MAP3K19: variants seen among roughly 807,000 people sequenced by gnomAD.
The protein encoded by MAP3K19 is mitogen-activated protein kinase kinase kinase 19.
In MAP3K19, 91 loss-of-function variants were observed where a neutral mutation model predicts 114.4. That is an observed-to-expected ratio of 0.80 (90% CI 0.67 to 0.95). MAP3K19 has a LOEUF of 0.95. Among genes scored for constraint, MAP3K19 ranks in the 40% least tolerant of loss-of-function variants. MAP3K19 has a pLI of 0.00. For synonymous variants in MAP3K19, 518 were observed against 530.5 expected (o/e 0.98, Z 0.32); for missense variants, 1,471 against 1,573.2 (o/e 0.94, Z 1.10).
chr2:135,011,215 A>G (rs1687199550), intron 5 of MAP3K19, among the ~76,000 whole-genome samples: 1 of 152,184 alleles, frequency 6.6e-6, no homozygotes, highest in African/African-American at 2.4e-5. Context: ...TTCGGCTACA[A>G]TAAGAAAAAA....
chr2:134,972,740 C>G (rs972830176), intron 12 of MAP3K19, among the ~76,000 whole-genome samples: 10 of 152,136 alleles, frequency 6.6e-5, no homozygotes, highest in African/African-American at 2.4e-4. Context: ...CCCAGCCAAT[C>G]TTCATACATT....
At chr2:134,982,369 G>A (rs530000087) in intron 11 of MAP3K19, among the ~76,000 whole-genome samples, 11 of 66,708 alleles carry the variant, frequency 1.6e-4, no homozygotes, top group Non-Finnish European at 3.5e-4. Context: ...TTTTTTTTTT[G>A]GAGACAGGGT....
intron 1 of MAP3K19, among the ~76,000 whole-genome samples, chr2:135,043,695 T>C (rs1280144353): frequency 6.6e-6 from 1 of 152,190 alleles, no homozygotes; most frequent in African/African-American, 2.4e-5. Context: ...ATGACATGCA[T>C]CCACCATTTT....
chr2:134,975,397 G>A (rs749507885), intron 12 of MAP3K19, among the ~76,000 whole-genome samples: 52 of 152,166 alleles, frequency 3.4e-4, no homozygotes, highest in Non-Finnish European at 6.9e-4. Context: ...GATACCAGCA[G>A]TGATAGGGCA....
intron 5 of MAP3K19, among the ~76,000 whole-genome samples, chr2:135,019,733 A>C (rs1455589590): frequency 6.6e-6 from 1 of 152,148 alleles, no homozygotes; most frequent in African/African-American, 2.4e-5. Context: ...GGATATGTTA[A>C]TTTTTATAAA....
chr2:134,964,994 T>A, intron 12 of MAP3K19, 78 bp from the exon 13 acceptor site: 1 of 1,085,756 alleles, frequency 9.2e-7, no homozygotes, highest in Non-Finnish European at 1.4e-6. Flanking sequence ...AAATGTGAAC[T>A]TTTAAAGACG....
chr2:134,973,887 A>C (rs1309040203), intron 12 of MAP3K19, among the ~76,000 whole-genome samples: 2 of 152,160 alleles, frequency 1.3e-5, no homozygotes, highest in Non-Finnish European at 2.9e-5. Flanking sequence ...GAAGTCTCTC[A>C]GTTTTTGCAT....
chr2:134,970,520 T>C (rs1361397625), intron 12 of MAP3K19, among the ~76,000 whole-genome samples: 1 of 152,144 alleles, frequency 6.6e-6, no homozygotes, highest in African/African-American at 2.4e-5. Flanking sequence ...GTGGAGTCTT[T>C]AGGTTTTTCT....
intron 8 of MAP3K19, among the ~76,000 whole-genome samples, chr2:134,998,345 A>G (rs1686177723): frequency 6.6e-6 from 1 of 152,248 alleles, no homozygotes; most frequent in East Asian, 1.9e-4. Context: ...AAAGTCAACC[A>G]TAGTGCAAAT....
intron 3 of MAP3K19, among the ~76,000 whole-genome samples, chr2:135,028,418 A>C (rs1243907225): frequency 6.6e-6 from 1 of 152,010 alleles, no homozygotes; most frequent in East Asian, 1.9e-4. Context: ...TTAGCCAGGC[A>C]TGGTGGCATG....
Position 134,986,038 on chromosome 2 carries a change from G to A in MAP3K19, c.2834C>T (p.Thr945Ile), listed in dbSNP as rs572421289. The A allele has an allele frequency of 5.0e-6, 8 of 1,613,538 alleles. No individual in the cohort carries two copies. The Admixed American group carries it at 1.2e-4, about 24-fold the overall frequency. Residue 945 changes from threonine (T) to isoleucine (I), a missense_variant, in exon 10 of 13, where the codon ACC becomes ATC. By Grantham distance (89) the Thr-to-Ile change is moderately conservative. Transcript: ENST00000392915. ...KSITYQMFGK[T>I]LSGTNSISQE... ...GGAAATTGAATTTGTGCCACTTAAG[G>A]TTTTTCCAAACATTTGATATGTGAT... is the stretch of plus-strand genomic sequence containing the variant.
chr2:135,024,745 G>T lies in MAP3K19; in HGVS notation c.-94-4C>A. The T allele has an allele frequency of 3.9e-6, 4 of 1,028,916 alleles. No homozygotes were observed. The highest frequency in any genetic ancestry group is 4.5e-6 in the Non-Finnish European group (3 of 668,614). The allele number at this position is 1,028,916 out of a possible 1,614,324, so 63.7% of individuals were successfully genotyped here. A position where few individuals can be genotyped will look rare whatever the true frequency, so the allele number is the denominator to read the frequency against. On this transcript the variant is annotated splice_region_variant and splice_polypyrimidine_tract_variant and intron_variant, in intron 3 of 12. Coordinates refer to ENST00000392915, the MANE Select transcript of MAP3K19 (RefSeq NM_025052.5). Reference sequence around the variant, plus strand: ...AAAATCACAAAGTTTAGGATCTCTAGGAAGAACAGAATCAACATTAAAGTT... The same window carrying T: ...AAAATCACAAAGTTTAGGATCTCTATGAAGAACAGAATCAACATTAAAGTT...
Position 134,987,700 on chromosome 2 carries a change from G to A in MAP3K19, c.1172C>T (p.Pro391Leu), listed in dbSNP as rs199656958. 6.2e-7 allele frequency: 1 copy of A among 1,612,940 alleles called. No individual in the cohort carries two copies. The highest frequency in any genetic ancestry group is 2.2e-5 in the East Asian group (1 of 44,868). Residue 391 changes from proline to leucine, a missense_variant, in exon 10 of 13, where the codon CCA (proline) becomes CTA (leucine). Pro to Leu is a moderately conservative substitution (Grantham distance 98, BLOSUM62 -3). Transcript: ENST00000392915. Reference sequence around the variant, plus strand: ...ATGCTGGGTTTCTTGGAACTTGCTTGGAATGGTACATACTATTTCTGGATC... The same window carrying A: ...ATGCTGGGTTTCTTGGAACTTGCTTAGAATGGTACATACTATTTCTGGATC... ...EQDPEIVCTI[P>L]SKFQETQHSE... is the part of the protein sequence containing the mutation.
intron 11 of MAP3K19, 57 bp downstream of exon 11, chr2:134,983,619 A>C: frequency 2.2e-6 from 2 of 929,552 alleles, no homozygotes; most frequent in Non-Finnish European, 2.7e-6. Flanking sequence ...GGAGGGGTGG[A>C]GGGAGGGACT....
intron 12 of MAP3K19, among the ~76,000 whole-genome samples, chr2:134,979,841 GAGAC>G (rs1684504040): frequency 6.6e-6 from 1 of 152,122 alleles, no homozygotes; most frequent in South Asian, 2.1e-4. Flanking sequence ...CTGGGAGAGA[GAGAC>G]AGAGACTGAA....
intron 2 of MAP3K19, among the ~76,000 whole-genome samples, chr2:135,039,817 T>G (rs563660764): frequency 6.6e-6 from 1 of 152,198 alleles, no homozygotes. Flanking sequence ...ATATAACTGA[T>G]GAATAAGACC....
At chr2:135,026,243 G>T (rs1023347663) in intron 3 of MAP3K19, among the ~76,000 whole-genome samples, 2 of 152,090 alleles carry the variant, frequency 1.3e-5, no homozygotes, top group Non-Finnish European at 2.9e-5. Flanking sequence ...TAAACTCATT[G>T]GGGCCTCTCC....
chr2:135,001,228 T>C (rs1202581752), intron 6 of MAP3K19, among the ~76,000 whole-genome samples: 1 of 152,234 alleles, frequency 6.6e-6, no homozygotes, highest in African/African-American at 2.4e-5. Context: ...TTATGTTTTG[T>C]GCTACCATAA....
At chr2:135,046,684 G>T (rs967257946) in intron 1 of MAP3K19, among the ~76,000 whole-genome samples, 2 of 152,168 alleles carry the variant, frequency 1.3e-5, no homozygotes, top group Non-Finnish European at 2.9e-5. Context: ...TTAATTGCAT[G>T]CATGGTTTAT....
Sources: allele counts gnomAD v4.1 joint callset (sites outside exome capture counted in the v4.1 genomes callset), GRCh38; gene constraint gnomAD v4.1.1; transcripts MANE v1.5; gene names NCBI Gene and HGNC (gene_info 2026-07-23, HGNC 2026-07-21).